The following CAMK2G variants were observed in gnomAD, a reference collection of about 807,000 sequenced individuals.
The protein encoded by CAMK2G is calcium/calmodulin dependent protein kinase II gamma.
Under a neutral mutation model 88.7 loss-of-function variants are expected in CAMK2G, and 23 were observed. The observed-to-expected ratio is 0.26, with a 90% CI of 0.19 to 0.37. The LOEUF (loss-of-function observed/expected upper bound fraction) is 0.37. Ranked by LOEUF, CAMK2G falls within the 10% of genes least tolerant of loss-of-function variation. The probability of loss-of-function intolerance (pLI) is 1.00; values close to 1 mark genes in which losing one functional copy is unlikely to be tolerated. For synonymous variants in CAMK2G, 263 were observed against 294.8 expected, an observed-to-expected ratio of 0.89 and a Z score of 1.11; for missense variants, 476 against 780.8, an observed-to-expected ratio of 0.61 and a Z score of 4.65.
chr10:73,854,546 A>T (rs1230668556), intron 3 of CAMK2G, among the ~76,000 whole-genome samples: 1 of 152,162 alleles, frequency 6.6e-6, no homozygotes, highest in East Asian at 1.9e-4. Context: ...TGGCAGTTAC[A>T]GGTGCACCTC....
chr10:73,845,816 G>C (rs1366977905), intron 10 of CAMK2G, among the ~76,000 whole-genome samples: 6 of 151,744 alleles, frequency 4.0e-5, no homozygotes, highest in Non-Finnish European at 8.8e-5. Flanking sequence ...GACCTCACCT[G>C]GTCTTGCTTA....
At chr10:73,853,138 A>C (rs755105207) in intron 4 of CAMK2G, 54 bp downstream of exon 4, 51 of 1,545,586 alleles carry the variant, frequency 3.3e-5, no homozygotes, top group Non-Finnish European at 4.1e-5. Flanking sequence ...CTGAGCCTTC[A>C]TTTTGAGTCA....
intron 14 of CAMK2G, among the ~76,000 whole-genome samples, chr10:73,835,480 T>C (rs75541003): frequency 2.6e-5 from 4 of 151,250 alleles, no homozygotes; most frequent in East Asian, 3.9e-4. Context: ...TTTTTTTTTT[T>C]CACAGACAAG....
chr10:73,848,684 C>A lies in CAMK2G; in HGVS notation c.518-75G>T. 1.2e-6 allele frequency: 1 copy of A among 822,712 alleles called. No individual in the cohort carries two copies. The highest frequency in any genetic ancestry group is 2.0e-6 in the Non-Finnish European group (1 of 498,956). The allele number at this position is 822,712 out of a possible 1,614,324, so 51.0% of individuals were successfully genotyped here. A position where few individuals can be genotyped will look rare whatever the true frequency, so the allele number is the denominator to read the frequency against. ...TTAAATCCACACCAGCCATTTCCCC[C>A]AAGTCCCATCTTATTCCTGCTGCTT... is the stretch of plus-strand genomic sequence containing the variant. On this transcript the variant is annotated intron_variant, in intron 7 of 22. Coordinates refer to ENST00000423381, the MANE Select transcript of CAMK2G (RefSeq NM_001367534.1). The surrounding 1 kb of genome is among the most constrained non-coding windows in gnomAD (Gnocchi z 4.5).
chr10:73,815,310 G>T, intron 21 of CAMK2G, 63 bp from the exon 22 acceptor site: 1 of 1,065,894 alleles, frequency 9.4e-7, no homozygotes, highest in Non-Finnish European at 1.4e-6. Context: ...TTTCCTCCCA[G>T]CCTGCACTTC....
intron 3 of CAMK2G, among the ~76,000 whole-genome samples, chr10:73,859,694 G>C (rs925948309): frequency 6.6e-6 from 1 of 152,242 alleles, no homozygotes; most frequent in South Asian, 2.1e-4. Flanking sequence ...TCTGCTTCGG[G>C]TGTAATCCAA....
intron 14 of CAMK2G, among the ~76,000 whole-genome samples, chr10:73,831,383 T>G (rs1460436322): frequency 6.6e-6 from 1 of 150,658 alleles, no homozygotes; most frequent in East Asian, 2.0e-4. Flanking sequence ...ACTAAAAATA[T>G]AAAAATTAGC....
chr10:73,852,405 T>C, intron 4 of CAMK2G, 86 bp from the exon 5 acceptor site: 2 of 1,082,078 alleles, frequency 1.8e-6, no homozygotes, highest in Non-Finnish European at 2.9e-6. Context: ...GGTCACCCTG[T>C]AGAATGGCTT....
rs1037863237 is a variant in CAMK2G, at chr10:73,824,228, A to C, written c.1156-144T>G. The C allele has an allele frequency of 2.8e-5, 18 of 640,654 alleles. 1 individual carries two copies. The highest frequency in any genetic ancestry group is 4.8e-5 in the Non-Finnish European group (17 of 355,364). 39.7% of individuals were successfully genotyped at this position (640,654 alleles called of 1,614,324 possible). On this transcript the variant is annotated intron_variant, in intron 16 of 22. Coordinates refer to ENST00000423381, the MANE Select transcript of CAMK2G (RefSeq NM_001367534.1). ...CCACCAGCCATCTCCAGAAGACAAA[A>C]TATCCCGGCTCAACTGGGGTCCCGG...
At chr10:73,843,125 T>C (rs555327586) in intron 10 of CAMK2G, among the ~76,000 whole-genome samples, 184 of 151,604 alleles carry the variant, frequency 1.2e-3, no homozygotes, top group African/African-American at 4.3e-3. Context: ...CAGGCTGGAG[T>C]GCAGTGGTGC....
At chr10:73,832,948 T>A (rs2092673588) in intron 14 of CAMK2G, among the ~76,000 whole-genome samples, 1 of 144,718 alleles carries the variant, frequency 6.9e-6, no homozygotes, top group Non-Finnish European at 1.5e-5. Flanking sequence ...TTGTCTCCAA[T>A]CTTTTTTTTC....
chr10:73,827,058 G>C (rs897921161), intron 15 of CAMK2G, among the ~76,000 whole-genome samples: 2 of 152,064 alleles, frequency 1.3e-5, no homozygotes, highest in African/African-American at 4.8e-5. Context: ...TGACCTGTTC[G>C]GGGTTGGTTA....
At chr10:73,866,896 C>T (rs936095613) in intron 2 of CAMK2G, among the ~76,000 whole-genome samples, 1 of 152,212 alleles carries the variant, frequency 6.6e-6, no homozygotes, top group Non-Finnish European at 1.5e-5. Context: ...GAATCCCAAG[C>T]CACGATCCCA....
intron 2 of CAMK2G, among the ~76,000 whole-genome samples, chr10:73,870,730 T>C (rs899482928): frequency 1.3e-5 from 2 of 152,118 alleles, no homozygotes; most frequent in Admixed American, 1.3e-4. Context: ...TGCGGAGACC[T>C]AGGCAGACAG....
intron 22 of CAMK2G, chr10:73,814,791 G>A (rs922314460): frequency 5.2e-6 from 3 of 577,882 alleles, no homozygotes; most frequent in Non-Finnish European, 9.3e-6. Flanking sequence ...GAAGTAACCT[G>A]TCTGAGGTCA....
intron 3 of CAMK2G, 53 bp downstream of exon 3, chr10:73,860,777 T>C: frequency 7.6e-7 from 1 of 1,312,804 alleles, no homozygotes; most frequent in South Asian, 1.2e-5. Context: ...TGGATATCTG[T>C]TATCCCTGCT....
chr10:73,868,820 C>T (rs1326430597), intron 2 of CAMK2G, among the ~76,000 whole-genome samples: 1 of 152,198 alleles, frequency 6.6e-6, no homozygotes, highest in Non-Finnish European at 1.5e-5. Flanking sequence ...TCAGCTGGCA[C>T]CATCCAGGGG....
chr10:73,823,627 G>T (rs2089916626), intron 17 of CAMK2G, among the ~76,000 whole-genome samples: 1 of 152,170 alleles, frequency 6.6e-6, no homozygotes, highest in Non-Finnish European at 1.5e-5. Context: ...TGGTATCTGG[G>T]CTTAACAGAT....
chr10:73,867,754 G>T (rs1436460889), intron 2 of CAMK2G, among the ~76,000 whole-genome samples: 1 of 152,156 alleles, frequency 6.6e-6, no homozygotes, highest in East Asian at 1.9e-4. Flanking sequence ...GGCCTAGATG[G>T]AGAGGTGTGA....
Sources: allele counts gnomAD v4.1 joint callset (sites outside exome capture counted in the v4.1 genomes callset), GRCh38; gene constraint gnomAD v4.1.1; non-coding constraint Gnocchi (gnomAD v3.1); transcripts MANE v1.5; gene names NCBI Gene and HGNC (gene_info 2026-07-23, HGNC 2026-07-21).